The following NRG1 variants were observed in gnomAD, a reference collection of about 807,000 sequenced individuals.
The protein encoded by NRG1 is neuregulin 1.
In NRG1, 18 loss-of-function variants were observed where a neutral mutation model predicts 63.8. The observed-to-expected ratio is 0.28, with a 90% confidence interval of 0.19 to 0.42. The LOEUF (loss-of-function observed/expected upper bound fraction) is 0.42. NRG1 is among the 10% of genes least tolerant of loss of function. The pLI is 1.00. For synonymous variants in NRG1, 302 were observed against 301.3 expected, an observed-to-expected ratio of 1.00 and a Z score of -0.02; for missense variants, 762 against 814.7, an observed-to-expected ratio of 0.94 and a Z score of 0.79.
At position 32,003,570 on chromosome 8, in the gene NRG1, TA is replaced by T. The variant is rs1196690651; in HGVS notation, c.37+364141del. Among the ~76,000 whole-genome samples, 8 of 152,154 alleles carry T rather than the reference TA, an allele frequency of 5.3e-5. No homozygotes were observed. The South Asian group carries it at 6.2e-4, about 12-fold the overall frequency. ...AAATAAAGAGAAGACATTGTAATGT[TA>T]ATGTCCATAAAATAGAAATACAAGA... On this transcript the variant is annotated intron_variant, in intron 1 of 10. Transcript: ENST00000519301.
chr8:31,948,541 G>A (rs1160501147), intron 1 of NRG1, among the ~76,000 whole-genome samples: 1 of 152,110 alleles, frequency 6.6e-6, no homozygotes, highest in Non-Finnish European at 1.5e-5. Context: ...TTTAGATGGA[G>A]GTTATATTTA....
intron 4 of NRG1, among the ~76,000 whole-genome samples, chr8:32,615,507 A>G (rs1048332334): frequency 7.2e-5 from 11 of 152,098 alleles, no homozygotes; most frequent in African/African-American, 2.4e-4. Flanking sequence ...TAAGTCATAT[A>G]CCTCAGGAAG....
chr8:31,696,380 G>C (rs1442379032), intron 1 of NRG1, among the ~76,000 whole-genome samples: 1 of 152,186 alleles, frequency 6.6e-6, no homozygotes, highest in Non-Finnish European at 1.5e-5. Flanking sequence ...TGAGTGTTTA[G>C]TATGTGCCAA....
chr8:31,773,610 G>A (rs1469197614), intron 1 of NRG1, among the ~76,000 whole-genome samples: 2 of 152,142 alleles, frequency 1.3e-5, no homozygotes, highest in Non-Finnish European at 2.9e-5. Flanking sequence ...TTAAAATTCT[G>A]TTGAAAATAT....
At chr8:32,448,633 G>GA (rs1199498434) in intron 1 of NRG1, among the ~76,000 whole-genome samples, 1 of 152,090 alleles carries the variant, frequency 6.6e-6, no homozygotes, top group Non-Finnish European at 1.5e-5. Context: ...GGATTGAGAT[G>GA]AAAACCAAGC....
chr8:31,998,371 T>A (rs1812372416), intron 1 of NRG1, among the ~76,000 whole-genome samples: 1 of 151,998 alleles, frequency 6.6e-6, no homozygotes, highest in South Asian at 2.1e-4. Context: ...TGAAAATCTA[T>A]CAAAAATACA....
chr8:31,686,234 T>C (rs1018766381), intron 1 of NRG1, among the ~76,000 whole-genome samples: 13 of 152,216 alleles, frequency 8.5e-5, no homozygotes, highest in African/African-American at 3.1e-4. Context: ...TTAAAATACA[T>C]GTTTTTGAAC....
At chr8:31,645,097 T>C (rs1422505636) in intron 1 of NRG1, among the ~76,000 whole-genome samples, 1 of 152,170 alleles carries the variant, frequency 6.6e-6, no homozygotes, top group African/African-American at 2.4e-5. Context: ...TTGTGGACAG[T>C]TTTCAACCAA....
chr8:32,180,914 C>T (rs938952568), intron 1 of NRG1, among the ~76,000 whole-genome samples: 7 of 152,112 alleles, frequency 4.6e-5, no homozygotes, highest in Non-Finnish European at 1.0e-4. Context: ...TCTCCTTCCA[C>T]CACTCTCTGT....
chr8:32,405,954 A>T (rs1033466938), intron 1 of NRG1, among the ~76,000 whole-genome samples: 3 of 152,210 alleles, frequency 2.0e-5, no homozygotes, highest in African/African-American at 7.2e-5. Flanking sequence ...GACAAGTGTT[A>T]CAAAAAAGAC....
At chr8:32,443,950 G>T (rs1192430671) in intron 1 of NRG1, among the ~76,000 whole-genome samples, 1 of 152,030 alleles carries the variant, frequency 6.6e-6, no homozygotes, top group Non-Finnish European at 1.5e-5. Context: ...GATAGTGTCT[G>T]AAGATTAAGA....
rs111857218 is a variant in NRG1, at chr8:32,385,701, A to G, written c.38-210127A>G. On this transcript the variant is annotated intron_variant, in intron 1 of 10. Coordinates refer to the NRG1 transcript ENST00000519301. ...GGTGTTAAACCAGTCAAGAGAAACC[A>G]CCCCTATGATCCATCACCTCCCACC... Among the ~76,000 whole-genome samples the G allele has an allele frequency of 2.3e-3, 346 of 152,046 alleles. 3 individuals are homozygous for G. Among genetic ancestry groups the G allele is most frequent in the African/African-American group, 8.1e-3 (337 of 41,484 alleles).
At chr8:32,402,210 G>T (rs1054203548) in intron 1 of NRG1, among the ~76,000 whole-genome samples, 1 of 152,100 alleles carries the variant, frequency 6.6e-6, no homozygotes. Flanking sequence ...ACCACGCCTG[G>T]CCTAAAAGTT....
At chr8:32,608,107 G>GTTTTTTTTTTTTTT (rs1224928528) in intron 3 of NRG1, among the ~76,000 whole-genome samples, 3 of 104,800 alleles carry the variant, frequency 2.9e-5, no homozygotes, top group African/African-American at 3.8e-5. Flanking sequence ...TTTTTTTTTT[G>GTTTTTTTTTTTTTT]TTTTTTTTTT....
rs145925989 is a variant in NRG1 at position 32,076,534 on chromosome 8, C to T, written c.37+437103C>T. Among the ~76,000 whole-genome samples the T allele has an allele frequency of 7.2e-5, 11 of 152,066 alleles. No homozygotes were observed. In the East Asian group the frequency reaches 1.2e-3, roughly 16 times the overall value. On this transcript the variant is annotated intron_variant, in intron 1 of 10. Coordinates refer to the NRG1 transcript ENST00000519301. The stretch of plus-strand genomic sequence containing the variant: ...GTAACAGGTTTTGACTAAAATTCCA[C>T]GGACTGTGGAACAGCACACACTGGG...
intron 1 of NRG1, among the ~76,000 whole-genome samples, chr8:32,498,106 A>C (rs2129495955): frequency 6.6e-6 from 1 of 152,260 alleles, no homozygotes; most frequent in South Asian, 2.1e-4. Flanking sequence ...TACAGGTGTG[A>C]GCCACTGTGC....
intron 1 of NRG1, among the ~76,000 whole-genome samples, chr8:32,089,018 T>C (rs1177055691): frequency 6.6e-6 from 1 of 152,154 alleles, no homozygotes; most frequent in Non-Finnish European, 1.5e-5. Flanking sequence ...TGAAAACAGA[T>C]GCTAGGTCCC....
chr8:32,761,029 T>C, intron 11 of NRG1: 1 of 978,140 alleles, frequency 1.0e-6, no homozygotes, highest in East Asian at 1.1e-4. Flanking sequence ...AAGCAGATAC[T>C]GCCTTCAAGA....
intron 1 of NRG1, among the ~76,000 whole-genome samples, chr8:32,186,448 G>A (rs577637163): frequency 7.5e-6 from 1 of 133,996 alleles, no homozygotes; most frequent in East Asian, 2.1e-4. Context: ...GTGACAGAGC[G>A]AGACTCCGTC....
Sources: allele counts gnomAD v4.1 joint callset (sites outside exome capture counted in the v4.1 genomes callset), GRCh38; gene constraint gnomAD v4.1.1; transcripts MANE v1.5; gene names NCBI Gene and HGNC (gene_info 2026-07-23, HGNC 2026-07-21).